Variants in VCL observed in about 807,000 individuals in gnomAD.
VCL encodes vinculin.
In VCL, 47 loss-of-function variants were observed where a neutral mutation model predicts 125.7. The observed-to-expected ratio is 0.37, with a 90% CI of 0.30 to 0.48. The LOEUF is 0.48. VCL is among the 20% of genes least tolerant of loss of function. The pLI is 0.99. For synonymous variants in VCL, 458 were observed against 514.6 expected, an observed-to-expected ratio of 0.89 and a Z score of 1.49; for missense variants, 1,069 against 1,455.5, an observed-to-expected ratio of 0.73 and a Z score of 4.32.
chr10:74,004,046 C>T lies in VCL; in HGVS notation c.168+5671C>T, dbSNP rs532648034. 1.7e-3 allele frequency among the ~76,000 whole-genome samples: 257 copies of T among 152,218 alleles called. 2 individuals are homozygous for T. The highest frequency in any genetic ancestry group is 6.1e-3 in the African/African-American group (252 of 41,522). On this transcript the variant is annotated intron_variant, in intron 1 of 21. Transcript: ENST00000211998. ...TACTCTGATCTTAAAAGGAGATCAG[C>T]AGTTAATTTTGTCATTTGTAATTAT...
Position 74,103,909 on chromosome 10 carries a change from T to C in VCL, c.2112T>C (p.Asp704=). Residue 704 remains aspartate, a synonymous_variant, in exon 15 of 22, where the codon GAT becomes GAC. Transcript: ENST00000211998. ...HFETMKNQWI[D]NVEKMTGLVD... is the part of the protein sequence containing the mutation. ...AGACCATGAAGAACCAGTGGATCGA[T>C]AATGTTGAAAAAATGACAGGTAGAG... The C allele has an allele frequency of 1.2e-6, 2 of 1,614,108 alleles. No individual in the cohort carries two copies. Among genetic ancestry groups the C allele is most frequent in the South Asian group, 2.2e-5 (2 of 91,084 alleles).
chr10:74,034,812 C>T (rs745597716), intron 1 of VCL, among the ~76,000 whole-genome samples: 3 of 152,200 alleles, frequency 2.0e-5, no homozygotes, highest in Non-Finnish European at 2.9e-5. Flanking sequence ...ACAAGTTCAT[C>T]ACCACCCCAG....
At chr10:74,074,283 C>A (rs1839541326) in intron 5 of VCL, among the ~76,000 whole-genome samples, 1 of 152,154 alleles carries the variant, frequency 6.6e-6, no homozygotes, top group African/African-American at 2.4e-5. Context: ...ATCCAAGCTA[C>A]ATGTTGAGAG....
chr10:74,009,899 C>T (rs11000845), intron 1 of VCL, among the ~76,000 whole-genome samples: 3,783 of 151,578 alleles, frequency 0.025, 162 homozygotes, highest in African/African-American at 0.086. Flanking sequence ...TGAACCACTG[C>T]GGCCAGCCAC....
chr10:73,999,383 T>A (rs539406994), intron 1 of VCL, among the ~76,000 whole-genome samples: 2 of 152,140 alleles, frequency 1.3e-5, no homozygotes, highest in East Asian at 3.9e-4. Context: ...CTGGAGGAGG[T>A]GGAGCCCACG....
chr10:74,056,509 A>G (rs1205765388), intron 2 of VCL, among the ~76,000 whole-genome samples: 1 of 152,150 alleles, frequency 6.6e-6, no homozygotes, highest in Non-Finnish European at 1.5e-5. Flanking sequence ...TGGGACAGGG[A>G]AAGGAATACT....
chr10:74,051,054 C>G (rs565767614), intron 2 of VCL, among the ~76,000 whole-genome samples: 1 of 149,668 alleles, frequency 6.7e-6, no homozygotes, highest in Non-Finnish European at 1.5e-5. Flanking sequence ...ATTCTCCTGA[C>G]TCAGCCTCCC....
At chr10:74,027,603 G>T (rs1273608704) in intron 1 of VCL, 1 of 134,950 alleles carries the variant, frequency 7.4e-6, no homozygotes, top group Non-Finnish European at 1.5e-5. Context: ...GGATGTTGCA[G>T]CCATTGCGCT....
rs141990315 is a variant in VCL at position 74,044,690 on chromosome 10, T to C, written c.239+1537T>C. On this transcript the variant is annotated intron_variant, in intron 2 of 21. Coordinates refer to ENST00000211998, the MANE Select transcript of VCL (RefSeq NM_014000.3). ...TGTTCCCTAAAGATACTCGTCCACA[T>C]GCACACCAGCATCCATATAAAAAAC... 8.5e-5 allele frequency among the ~76,000 whole-genome samples: 13 copies of C among 152,312 alleles called. No individual in the cohort carries two copies. In the East Asian group the frequency reaches 2.5e-3, roughly 29 times the overall value.
chr10:74,094,421 G>C lies in VCL; in HGVS notation c.1503G>C (p.Gln501His), dbSNP rs1203105475. 2 of 1,614,068 alleles carry C rather than the reference G, an allele frequency of 1.2e-6. No individual in the cohort carries two copies. The highest frequency in any genetic ancestry group is 2.7e-5 in the African/African-American group (2 of 74,936). The change falls in exon 11 of 22, where the codon CAG becomes CAC. Residue 501 changes from glutamine to histidine, a missense_variant. Gln to His is a conservative substitution (Grantham distance 24). This residue lies in a region of VCL where 760 missense variants were observed against 928.9 expected (regional missense o/e 0.82). Transcript: ENST00000211998. ...TTGAGGGCAAGATTGAGCAAGCACAGCGGTGGATTGATAATCCCACAGTGG... is the reference window on the plus strand; with the variant it reads ...TTGAGGGCAAGATTGAGCAAGCACACCGGTGGATTGATAATCCCACAGTGG... ...VHLEGKIEQA[Q>H]RWIDNPTVDD...
intron 16 of VCL, 46 bp from the exon 17 acceptor site, chr10:74,107,184 G>C: frequency 6.2e-7 from 1 of 1,613,686 alleles, no homozygotes; most frequent in South Asian, 1.1e-5. Flanking sequence ...ACAGTGCTTT[G>C]GGGCACTGAC....
chr10:74,010,348 A>G (rs1468279032), intron 1 of VCL, among the ~76,000 whole-genome samples: 2 of 152,238 alleles, frequency 1.3e-5, no homozygotes, highest in Admixed American at 1.3e-4. Context: ...ATTGCATTAA[A>G]AAATAATACT....
chr10:74,116,599 T>C (rs1385732006), intron 21 of VCL, among the ~76,000 whole-genome samples: 4 of 151,536 alleles, frequency 2.6e-5, no homozygotes, highest in African/African-American at 7.3e-5. Flanking sequence ...GGCAGGAGAA[T>C]CGCTTGAACC....
rs749471739 is a variant in VCL, at chr10:74,105,305, C to T, written c.2386C>T (p.Pro796Ser). The change falls in exon 16 of 22, where the codon CCG (proline) becomes TCG (serine). Residue 796 changes from proline to serine, a missense_variant. Physicochemically the swap from Pro to Ser is moderately conservative, Grantham distance 74. Around this residue, in one of 6 missense-constraint regions of VCL, gnomAD observed 760 missense variants for 928.9 expected, o/e 0.82. Transcript: ENST00000211998. ...TGATGAATTGAGCAAAACCATCTCCCCGATGGTGATGGATGCAAAAGCTGT... is the reference window on the plus strand; with the variant it reads ...TGATGAATTGAGCAAAACCATCTCCTCGATGGTGATGGATGCAAAAGCTGT... Reference protein sequence around the residue: ...ASDELSKTISPMVMDAKAVAG... With the variant: ...ASDELSKTISSMVMDAKAVAG... The T allele has an allele frequency of 6.2e-7, 1 of 1,613,258 alleles. No homozygotes were observed. The highest frequency in any genetic ancestry group is 8.5e-7 in the Non-Finnish European group (1 of 1,180,038).
intron 19 of VCL, among the ~76,000 whole-genome samples, chr10:74,113,767 A>C (rs1840267232): frequency 6.6e-6 from 1 of 152,176 alleles, no homozygotes; most frequent in South Asian, 2.1e-4. Context: ...TATAGAAATG[A>C]AAGTGCCTGT....
intron 1 of VCL, among the ~76,000 whole-genome samples, chr10:74,019,889 C>T (rs1355081528): frequency 6.6e-6 from 1 of 151,952 alleles, no homozygotes; most frequent in African/African-American, 2.4e-5. Flanking sequence ...ATGGTGAAAC[C>T]CTTTCTCTAC....
rs759103182 is a variant in VCL at position 74,097,218 on chromosome 10, G to C, written c.1758G>C (p.Arg586=). 1.9e-6 allele frequency: 3 copies of C among 1,614,030 alleles called. No individual in the cohort carries two copies. The South Asian group carries it at 3.3e-5, about 18-fold the overall frequency. Residue 586 remains arginine, a synonymous_variant, in exon 13 of 22, where the codon CGG becomes CGC. Coordinates refer to ENST00000211998, the MANE Select transcript of VCL (RefSeq NM_014000.3). The surrounding 1 kb of genome is among the most constrained non-coding windows in gnomAD (Gnocchi z 4.1). ...LQDSLKDLKA[R]MQEAMTQEVS... The stretch of plus-strand genomic sequence containing the variant: ...ATGTTTTTAAGGATCTAAAAGCTCG[G>C]ATGCAGGAGGCCATGACTCAGGAAG...
At chr10:74,036,918 T>C (rs904644357) in intron 1 of VCL, among the ~76,000 whole-genome samples, 2 of 151,512 alleles carry the variant, frequency 1.3e-5, no homozygotes, top group Non-Finnish European at 2.9e-5. Context: ...TTTCTTTTTT[T>C]TTTTTCTTTT....
intron 6 of VCL, among the ~76,000 whole-genome samples, chr10:74,079,689 A>C (rs1839645402): frequency 6.6e-6 from 1 of 152,178 alleles, no homozygotes; most frequent in African/African-American, 2.4e-5. Context: ...ATTGCCTTTC[A>C]AAAGAAATAT....
Sources: allele counts gnomAD v4.1 joint callset (sites outside exome capture counted in the v4.1 genomes callset), GRCh38; gene constraint gnomAD v4.1.1; regional missense constraint gnomAD v4.1.1; non-coding constraint Gnocchi (gnomAD v3.1); transcripts MANE v1.5; gene names NCBI Gene and HGNC (gene_info 2026-07-23, HGNC 2026-07-21).